Variants in SPAST observed in about 807,000 individuals in gnomAD.
The protein encoded by SPAST is spastin.
A neutral mutation model predicts 76.6 loss-of-function variants in SPAST; 30 were observed. The ratio of observed to expected loss-of-function variants is 0.39; its 90% CI spans 0.29 to 0.53. The LOEUF is 0.53. Among genes scored for constraint, SPAST ranks in the 20% least tolerant of loss-of-function variants. The pLI is 0.68. For synonymous variants in SPAST, 305 were observed against 281.0 expected (o/e 1.09, Z -0.86); for missense variants, 717 against 770.5 (o/e 0.93, Z 0.82).
intron 14 of SPAST, among the ~76,000 whole-genome samples, chr2:32,144,715 A>G (rs1279239399): frequency 6.6e-6 from 1 of 151,970 alleles, no homozygotes; most frequent in Non-Finnish European, 1.5e-5. Context: ...GCGAAACGCC[A>G]TCTATACTAA....
intron 4 of SPAST, among the ~76,000 whole-genome samples, chr2:32,105,244 C>A (rs997229664): frequency 1.3e-5 from 2 of 152,144 alleles, no homozygotes; most frequent in African/African-American, 4.8e-5. Context: ...TTGATCGAAT[C>A]GGCTACTGAA....
chr2:32,121,564 A>C, intron 7 of SPAST, among the ~76,000 whole-genome samples: 1 of 115,262 alleles, frequency 8.7e-6, no homozygotes, highest in Non-Finnish European at 1.7e-5. Flanking sequence ...TTTTTAAGAC[A>C]CAGTCTTGCT....
intron 12 of SPAST, among the ~76,000 whole-genome samples, chr2:32,139,389 G>C (rs1340052629): frequency 6.6e-6 from 1 of 152,076 alleles, no homozygotes; most frequent in Non-Finnish European, 1.5e-5. Context: ...CCGTCAAAAG[G>C]CTACTAGAAC....
intron 1 of SPAST, among the ~76,000 whole-genome samples, chr2:32,083,678 T>TAA (rs1677329298): frequency 7.2e-6 from 1 of 139,508 alleles, no homozygotes; most frequent in South Asian, 2.2e-4. Context: ...TATATATATT[T>TAA]TTATGCTATA....
Position 32,079,675 on chromosome 2 carries a change from C to T in SPAST, c.416-7817C>T, listed in dbSNP as rs190861441. On this transcript the variant is annotated intron_variant, in intron 1 of 16. Transcript: ENST00000315285. Reference sequence around the variant, plus strand: ...CTGGACTCAAGCAGTCCTACCACCTCAGCCTCCCAAGTAGCTGGGACCACA... The same window carrying T: ...CTGGACTCAAGCAGTCCTACCACCTTAGCCTCCCAAGTAGCTGGGACCACA... Among the ~76,000 whole-genome samples, 859 of 151,504 alleles carry T rather than the reference C, an allele frequency of 5.7e-3. 8 individuals carry two copies. The highest frequency in any genetic ancestry group is 9.5e-3 in the Non-Finnish European group (646 of 67,866).
chr2:32,101,319 T>A (rs1313815605), intron 4 of SPAST, among the ~76,000 whole-genome samples: 1 of 152,258 alleles, frequency 6.6e-6, no homozygotes, highest in Non-Finnish European at 1.5e-5. Context: ...TTTGATTTTT[T>A]TCTTGTAAAT....
intron 1 of SPAST, among the ~76,000 whole-genome samples, chr2:32,085,935 G>A (rs1408424481): frequency 6.6e-6 from 1 of 151,862 alleles, no homozygotes; most frequent in Non-Finnish European, 1.5e-5. Flanking sequence ...CCAGCTACTC[G>A]GGAGGCTGAG....
rs937826702 is a variant in SPAST, at chr2:32,063,592, A to C, written c.-240A>C. On this transcript the variant is annotated 5_prime_UTR_variant, in exon 1 of 17. Transcript: ENST00000315285. ...TGGGAGCCACCAGGCGGCGGAGAGGACAGCGACAGGAAGGGAGGGGCCCGA... is the reference window on the plus strand; with the variant it reads ...TGGGAGCCACCAGGCGGCGGAGAGGCCAGCGACAGGAAGGGAGGGGCCCGA... The C allele has an allele frequency of 8.3e-5, 45 of 539,844 alleles. No individual in the cohort carries two copies. The highest frequency in any genetic ancestry group is 1.4e-4 in the Non-Finnish European group (43 of 309,584). The allele number at this position is 539,844 out of a possible 1,614,324, so 33.4% of individuals were successfully genotyped here. A position where few individuals can be genotyped will look rare whatever the true frequency, so the allele number is the denominator to read the frequency against.
chr2:32,066,331 A>G (rs115801313), intron 1 of SPAST, among the ~76,000 whole-genome samples: 205 of 152,284 alleles, frequency 1.3e-3, no homozygotes, highest in African/African-American at 4.8e-3. Flanking sequence ...GGGGAGAATT[A>G]AAACGGTTGC....
intron 3 of SPAST, among the ~76,000 whole-genome samples, chr2:32,097,878 TTAG>T (rs796341279): frequency 3.2e-4 from 49 of 151,958 alleles, no homozygotes; most frequent in African/African-American, 1.1e-3. Flanking sequence ...TTTGTTTGTT[TTAG>T]TAGAGACAGG....
rs1324780733 is a variant in SPAST, at chr2:32,137,113, A to G, written c.1418A>G (p.Gln473Arg). 1 of 1,613,366 alleles carries G rather than the reference A, an allele frequency of 6.2e-7. No homozygotes were observed. The highest frequency in any genetic ancestry group is 2.2e-5 in the East Asian group (1 of 44,850). ...TEFLIEFDGV[Q>R]SAGDDRVLVM... is the part of the protein sequence containing the mutation. ...AAAAAGATTTTTTGCTTGTAGGTACAGTCTGCTGGAGATGACAGAGTACTT... is the reference window on the plus strand; with the variant it reads ...AAAAAGATTTTTTGCTTGTAGGTACGGTCTGCTGGAGATGACAGAGTACTT... Residue 473 changes from glutamine to arginine, a missense_variant, in exon 12 of 17, where the codon CAG becomes CGG. This residue lies in a region of SPAST where 78 missense variants were observed against 197.6 expected (regional missense o/e 0.39). Transcript: ENST00000315285.
intron 1 of SPAST, among the ~76,000 whole-genome samples, chr2:32,070,735 TC>T (rs1479573461): frequency 1.3e-5 from 2 of 152,186 alleles, no homozygotes; most frequent in African/African-American, 4.8e-5. Flanking sequence ...GCTCAATCGA[TC>T]CACCCACCTC....
At chr2:32,095,341 A>G (rs1677877197) in intron 3 of SPAST, among the ~76,000 whole-genome samples, 1 of 152,188 alleles carries the variant, frequency 6.6e-6, no homozygotes, top group South Asian at 2.1e-4. Flanking sequence ...GTGCTAAGAA[A>G]GCTTTCTTGT....
chr2:32,086,584 C>G (rs980577658), intron 1 of SPAST, among the ~76,000 whole-genome samples: 19 of 151,974 alleles, frequency 1.3e-4, no homozygotes, highest in African/African-American at 4.6e-4. Flanking sequence ...GTGAAAACCC[C>G]GTCTTTATAC....
chr2:32,091,904 C>T (rs903591367), intron 3 of SPAST, among the ~76,000 whole-genome samples: 2 of 151,852 alleles, frequency 1.3e-5, no homozygotes, highest in African/African-American at 2.4e-5. Flanking sequence ...TGAGCCACCA[C>T]GCCCAGCTGA....
intron 4 of SPAST, among the ~76,000 whole-genome samples, chr2:32,106,681 G>A (rs1173293070): frequency 6.6e-6 from 1 of 152,098 alleles, no homozygotes; most frequent in African/African-American, 2.4e-5. Context: ...AGAAACAGTT[G>A]GTCATCAACT....
Position 32,092,140 on chromosome 2 carries a change from G to T in SPAST, c.586+2535G>T, listed in dbSNP as rs549437977. Among the ~76,000 whole-genome samples, 4 of 152,196 alleles carry T rather than the reference G, an allele frequency of 2.6e-5. No homozygotes were observed. In the South Asian group the frequency reaches 8.3e-4, roughly 32 times the overall value. On this transcript the variant is annotated intron_variant, in intron 3 of 16. Transcript: ENST00000315285. ...TTACTCCTATATGGTCATTGTGTTT[G>T]TGGGATTTTTGCCCGCACATAGTTA...
At chr2:32,082,553 G>C (rs1026468702) in intron 1 of SPAST, among the ~76,000 whole-genome samples, 1 of 151,856 alleles carries the variant, frequency 6.6e-6, no homozygotes, top group South Asian at 2.1e-4. Context: ...AAAATTAGCC[G>C]GGCGTGGTGG....
rs202152835 is a variant in SPAST at position 32,115,757 on chromosome 2, G to A, written c.926G>A (p.Arg309His). ...NKPSTPTTAT[R>H]KKKDLKNFRN... is the part of the protein sequence containing the mutation. ...CCTTCTACCCCTACAACTGCTACTC[G>A]TAAGAAAAAAGACTTGAAGAATTTT... Residue 309 changes from arginine (R) to histidine (H), a missense_variant, in exon 6 of 17, where the codon CGT (arginine) becomes CAT (histidine). Physicochemically the swap from Arg to His is conservative, Grantham distance 29 (BLOSUM62 0). Around this residue, in one of 3 missense-constraint regions of SPAST, gnomAD observed 543 missense variants for 445.2 expected, o/e 1.22. Transcript: ENST00000315285. 307 of 1,611,248 alleles carry A rather than the reference G, an allele frequency of 1.9e-4. No individual in the cohort carries two copies. Among genetic ancestry groups the A allele is most frequent in the Non-Finnish European group, 2.4e-4 (280 of 1,177,908 alleles).
Sources: allele counts gnomAD v4.1 joint callset (sites outside exome capture counted in the v4.1 genomes callset), GRCh38; gene constraint gnomAD v4.1.1; regional missense constraint gnomAD v4.1.1; transcripts MANE v1.5; gene names NCBI Gene and HGNC (gene_info 2026-07-23, HGNC 2026-07-21).